The following REST variants were observed in gnomAD, a reference collection of about 807,000 sequenced individuals.
REST encodes the protein RE1 silencing transcription factor, also known as RE1-silencing transcription factor.
A neutral mutation model predicts 30.4 loss-of-function variants in REST; 1 was observed. The ratio of observed to expected loss-of-function variants is 0.03; its 90% confidence interval spans 0.01 to 0.16. REST has a LOEUF of 0.16. Ranked by LOEUF, REST falls within the 10% of genes least tolerant of loss-of-function variation. The pLI is 1.00. For synonymous variants in REST, 504 were observed against 451.1 expected (o/e 1.12, Z -1.49); for missense variants, 1,259 against 1,329.5 (o/e 0.95, Z 0.82).
intron 2 of REST, among the ~76,000 whole-genome samples, chr4:56,914,669 C>G: frequency 6.6e-6 from 1 of 152,100 alleles, no homozygotes; most frequent in East Asian, 1.9e-4. Flanking sequence ...TAAATAAGTA[C>G]ACCATATTCA....
At chr4:56,921,170 CCA>C (rs1720433331) in intron 3 of REST, among the ~76,000 whole-genome samples, 1 of 151,962 alleles carries the variant, frequency 6.6e-6, no homozygotes, top group Non-Finnish European at 1.5e-5. Flanking sequence ...GGCCGAACTA[CCA>C]CTTCTAATTA....
intron 2 of REST, among the ~76,000 whole-genome samples, chr4:56,919,195 G>A (rs1014138291): frequency 4.0e-5 from 6 of 151,712 alleles, no homozygotes; most frequent in African/African-American, 7.3e-5. Context: ...GTGGGCCACC[G>A]TGCCCAGCCC....
At position 56,914,922 on chromosome 4, in the gene REST, C is replaced by CTT. The variant is rs10589188; in HGVS notation, c.898+3406_898+3407dup. ...TCATTCTGATTTTTTTTTTTTTTAACTTTTTTTTTTTTTTTTTTTTTGAGA... is the reference window on the plus strand; with the variant it reads ...TCATTCTGATTTTTTTTTTTTTTAACTTTTTTTTTTTTTTTTTTTTTTTGAGA... On this transcript the variant is annotated intron_variant, in intron 2 of 3. Transcript: ENST00000309042. Among the ~76,000 whole-genome samples, 138 of 92,092 alleles carry CTT rather than the reference C, an allele frequency of 1.5e-3. 4 individuals are homozygous for CTT. In the East Asian group the frequency reaches 0.025, roughly 17 times the overall value. 60.4% of individuals were successfully genotyped at this position (92,092 alleles called of 152,430 possible). A position where few individuals can be genotyped will look rare whatever the true frequency, so the allele number is the denominator to read the frequency against.
intron 3 of REST, among the ~76,000 whole-genome samples, chr4:56,921,725 T>A (rs763136301): frequency 1.3e-5 from 2 of 152,116 alleles, no homozygotes; most frequent in African/African-American, 4.8e-5. Context: ...TTTCAAACAA[T>A]GTGAAGAAAA....
In REST at chr4:56,925,358, T is replaced by C. The variant is rs1720650503; in HGVS notation, c.983-4483T>C. Among the ~76,000 whole-genome samples the C allele has an allele frequency of 2.7e-5, 4 of 149,718 alleles. No homozygotes were observed. In the South Asian group the frequency reaches 8.7e-4, roughly 33 times the overall value. On this transcript the variant is annotated intron_variant, in intron 3 of 3. Coordinates refer to ENST00000309042, the MANE Select transcript of REST (RefSeq NM_005612.5). Reference sequence around the variant, plus strand: ...CTCTGGAGTAGGTGGCACTGTAGGCTTGTGCTATAACATGTGGCTAATTTA... The same window carrying C: ...CTCTGGAGTAGGTGGCACTGTAGGCCTGTGCTATAACATGTGGCTAATTTA...
rs1204179439 is a variant in REST at position 56,931,004 on chromosome 4, G to A, written c.2146G>A (p.Val716Ile). The change falls in exon 4 of 4, where the codon GTA (valine) becomes ATA (isoleucine). Residue 716 changes from valine to isoleucine, a missense_variant. Transcript: ENST00000309042. ...MEPAQMEVAQ[V>I]ESAPMQVVQK... ...ACCTGCTCAGATGGAGGTTGCCCAG[G>A]TAGAATCTGCTCCCATGCAGGTGGT... 3.1e-6 allele frequency: 5 copies of A among 1,614,210 alleles called. No homozygotes were observed. Among genetic ancestry groups the A allele is most frequent in the Non-Finnish European group, 4.2e-6 (5 of 1,180,036 alleles).
At position 56,934,251 on chromosome 4, in the gene REST, T is replaced by G. The variant is rs557135900; in HGVS notation, c.*2099T>G. 6.6e-6 allele frequency: 1 copy of G among 152,350 alleles called. No individual in the cohort carries two copies. Among genetic ancestry groups the G allele is most frequent in the Non-Finnish European group, 1.5e-5 (1 of 68,036 alleles). The allele number at this position is 152,350 out of a possible 1,614,324, so 9.4% of individuals were successfully genotyped here. On this transcript the variant is annotated 3_prime_UTR_variant, in exon 4 of 4. Coordinates refer to ENST00000309042, the MANE Select transcript of REST (RefSeq NM_005612.5). The stretch of plus-strand genomic sequence containing the variant: ...TTAATGTTCATGGGTACATTTTACC[T>G]AAGTTACCGTTTACATTGTATAGAA...
chr4:56,932,202 T>G lies in REST; in HGVS notation c.*50T>G. 1 of 1,503,104 alleles carries G rather than the reference T, an allele frequency of 6.7e-7. No individual in the cohort carries two copies. The highest frequency in any genetic ancestry group is 2.0e-4 in the Middle Eastern group (1 of 4,992). The allele number at this position is 1,503,104 out of a possible 1,614,324, so 93.1% of individuals were successfully genotyped here. On this transcript the variant is annotated 3_prime_UTR_variant, in exon 4 of 4. Coordinates refer to ENST00000309042, the MANE Select transcript of REST (RefSeq NM_005612.5). ...TCTTAGTTTGTAAGGTATATTACAT[T>G]TTATATTCATTTATGATAGCAGACA...
chr4:56,927,539 T>G (rs760448227), intron 3 of REST: 3 of 542,500 alleles, frequency 5.5e-6, no homozygotes, highest in African/African-American at 2.1e-5. Context: ...CAATTTGATA[T>G]GAATTTGAGA....
chr4:56,931,741 T>C lies in REST; in HGVS notation c.2883T>C (p.Gly961=). The C allele has an allele frequency of 6.2e-7, 1 of 1,614,218 alleles. No homozygotes were observed. The highest frequency in any genetic ancestry group is 8.5e-7 in the Non-Finnish European group (1 of 1,180,052). The change falls in exon 4 of 4, where the codon GGT becomes GGC. Residue 961 remains glycine (G), a synonymous_variant. Coordinates refer to ENST00000309042, the MANE Select transcript of REST (RefSeq NM_005612.5). ...AGAACACAAGAGAGAATCTCACTGGTATAAATTCAACAGTTGAAGAACCAG... is the reference window on the plus strand; with the variant it reads ...AGAACACAAGAGAGAATCTCACTGGCATAAATTCAACAGTTGAAGAACCAG... The part of the protein sequence containing the change: ...TDQNTRENLT[G]INSTVEEPVS...
chr4:56,927,691 T>G, intron 3 of REST: 1 of 1,136,396 alleles, frequency 8.8e-7, no homozygotes, highest in Middle Eastern at 2.3e-4. Flanking sequence ...AATGTATTAC[T>G]CTTATGCCTT....
intron 3 of REST, among the ~76,000 whole-genome samples, chr4:56,923,877 A>G (rs1314931273): frequency 6.6e-6 from 1 of 151,870 alleles, no homozygotes; most frequent in East Asian, 1.9e-4. Context: ...TCGTGCCACC[A>G]TGCCAGGCTA....
At chr4:56,917,464 A>G (rs1001942419) in intron 2 of REST, among the ~76,000 whole-genome samples, 5 of 151,998 alleles carry the variant, frequency 3.3e-5, no homozygotes, top group East Asian at 1.9e-4. Flanking sequence ...GATTACAGGC[A>G]TGAGCCACCA....
In REST at chr4:56,929,857, A is replaced by T. The variant is rs1191600909; in HGVS notation, c.999A>T (p.Lys333Asn). The change falls in exon 4 of 4, where the codon AAA (lysine) becomes AAT (asparagine). Residue 333 changes from lysine (K) to asparagine (N), a missense_variant. Coordinates refer to ENST00000309042, the MANE Select transcript of REST (RefSeq NM_005612.5). ...TGCCTTCAGGTGAGAAGCCATTTAA[A>T]TGTGATCAGTGCAGTTATGTGGCCT... ...MRTHSGEKPF[K>N]CDQCSYVASN... is the part of the protein sequence containing the mutation. 2 of 1,605,532 alleles carry T rather than the reference A, an allele frequency of 1.2e-6. No homozygotes were observed. Among genetic ancestry groups the T allele is most frequent in the East Asian group, 4.5e-5 (2 of 44,788 alleles).
rs1720367813 is a variant in REST at position 56,919,809 on chromosome 4, A to G, written c.921A>G (p.Glu307=). Residue 307 remains glutamate, a synonymous_variant, in exon 3 of 4, where the codon GAA becomes GAG. Transcript: ENST00000309042. The part of the protein sequence containing the change: ...THTGERPYKC[E]LCPYSSSQKT... ...CAGGAGAACGCCCATATAAATGTGA[A>G]CTTTGTCCTTACTCAAGTTCTCAGA... 8.7e-6 allele frequency: 14 copies of G among 1,608,164 alleles called. No individual in the cohort carries two copies. The highest frequency in any genetic ancestry group is 1.3e-5 in the African/African-American group (1 of 74,836).
At chr4:56,921,171 CACTTCTAA>C (rs1720433701) in intron 3 of REST, among the ~76,000 whole-genome samples, 1 of 151,958 alleles carries the variant, frequency 6.6e-6, no homozygotes, top group Admixed American at 6.6e-5. Context: ...GCCGAACTAC[CACTTCTAA>C]TTAGAATACA....
chr4:56,927,591 C>T, intron 3 of REST: 1 of 1,014,694 alleles, frequency 9.9e-7, no homozygotes, highest in Admixed American at 5.0e-5. Context: ...TTCCGTTTTT[C>T]TACTATGCAT....
chr4:56,908,384 G>T (rs1317284669), intron 1 of REST, among the ~76,000 whole-genome samples, 171 bp downstream of exon 1: 1 of 151,166 alleles, frequency 6.6e-6, no homozygotes, highest in Non-Finnish European at 1.5e-5. Flanking sequence ...GGGGGCTGGC[G>T]GCCGAGCAGG....
At chr4:56,925,207 TTTTTG>T (rs1305065350) in intron 3 of REST, among the ~76,000 whole-genome samples, 2 of 151,286 alleles carry the variant, frequency 1.3e-5, no homozygotes, top group African/African-American at 2.4e-5. Context: ...TCTCTCTTGG[TTTTTG>T]TTTTGTTTTG....
Sources: gnomAD v4.1 joint callset for allele counts (sites outside exome capture counted in the v4.1 genomes callset) on GRCh38, gnomAD v4.1.1 for gene constraint, MANE v1.5 for transcripts, NCBI Gene and HGNC (gene_info 2026-07-23, HGNC 2026-07-21) for gene names.